The following HIGD1C variants were observed in gnomAD, a reference collection of about 807,000 sequenced individuals.
HIGD1C encodes HIG1 domain family member 1C.
Under a neutral mutation model 13.1 loss-of-function variants are expected in HIGD1C, and 11 were observed. That is an observed-to-expected ratio of 0.84 (90% CI 0.53 to 1.39). The LOEUF (loss-of-function observed/expected upper bound fraction) is 1.39, where lower values mean the gene tolerates loss of function less well. HIGD1C is among the 40% of genes most tolerant of loss of function. The pLI is 0.00. For missense variants in HIGD1C, 110 were observed against 112.0 expected (o/e 0.98, Z 0.08); for synonymous variants, 36 against 37.7 (o/e 0.95, Z 0.17).
upstream of HIGD1C, among the ~76,000 whole-genome samples, chr12:50,952,181 T>C (rs574520893): frequency 2.0e-4 from 30 of 151,792 alleles, no homozygotes; most frequent in African/African-American, 6.8e-4. Flanking sequence ...TTGAACACTG[T>C]ACTATGGTTA....
chr12:50,938,134 G>A, the HIGD1C span, among the ~76,000 whole-genome samples: 44,572 of 151,390 alleles, frequency 0.29, 7,049 homozygotes, highest in East Asian at 0.49. Context: ...CCTCCACAGC[G>A]CCCAGGCTGT....
the HIGD1C span, among the ~76,000 whole-genome samples, chr12:50,947,553 A>G: frequency 1.3e-5 from 2 of 152,286 alleles, no homozygotes; most frequent in East Asian, 3.9e-4. Context: ...CCCCACCCAG[A>G]TAGTCCAGGA....
At chr12:50,956,479 G>C (rs1939100400) in intron 1 of HIGD1C, among the ~76,000 whole-genome samples, 1 of 152,168 alleles carries the variant, frequency 6.6e-6, no homozygotes, top group Non-Finnish European at 1.5e-5. Context: ...CCTGCTACAG[G>C]ATGGAGGGTC....
At chr12:50,966,994 G>A (rs978472313) in intron 2 of HIGD1C, among the ~76,000 whole-genome samples, 5 of 152,040 alleles carry the variant, frequency 3.3e-5, no homozygotes, top group Admixed American at 6.6e-5. Context: ...GCATGTGCCT[G>A]TAATCCCTGC....
At chr12:50,970,949 G>A (rs56353532), downstream of HIGD1C, among the ~76,000 whole-genome samples, 17 of 151,878 alleles carry the variant, frequency 1.1e-4, no homozygotes, top group Admixed American at 7.2e-4. Flanking sequence ...TATAATCTCC[G>A]CTCACCGCAA....
At chr12:50,938,271 A>G in the HIGD1C span, among the ~76,000 whole-genome samples, 1 of 146,524 alleles carries the variant, frequency 6.8e-6, no homozygotes, top group Non-Finnish European at 1.5e-5. Context: ...GGCTGGCAGG[A>G]GGCTGGCGTG....
At chr12:50,933,209 TCTC>T in the HIGD1C span, among the ~76,000 whole-genome samples, 1 of 152,072 alleles carries the variant, frequency 6.6e-6, no homozygotes, top group South Asian at 2.1e-4. Flanking sequence ...AACCACAAAA[TCTC>T]CTTTGATAAT....
At chr12:50,943,328 T>C in the HIGD1C span, among the ~76,000 whole-genome samples, 1 of 152,188 alleles carries the variant, frequency 6.6e-6, no homozygotes, top group Non-Finnish European at 1.5e-5. Context: ...AGCTATGCCC[T>C]CTGCCTGGAG....
chr12:50,960,671 G>A (rs1169221776), intron 1 of HIGD1C, among the ~76,000 whole-genome samples: 4 of 150,554 alleles, frequency 2.7e-5, no homozygotes, highest in Admixed American at 6.6e-5. Flanking sequence ...TGCCTGCTGT[G>A]TATTTAACCC....
At position 50,970,497 on chromosome 12, in the gene HIGD1C, CA is replaced by C; in HGVS notation, c.291del (p.Lys97AsnfsTer?). The C allele has an allele frequency of 6.6e-6, 10 of 1,525,722 alleles. No individual in the cohort carries two copies. The highest frequency in any genetic ancestry group is 1.2e-5 in the South Asian group (1 of 83,262). 94.5% of individuals were successfully genotyped at this position (1,525,722 alleles called of 1,614,324 possible). On this transcript the variant is annotated frameshift_variant, in exon 3 of 3. Transcript: ENST00000398455. LOFTEE classifies it high-confidence loss of function. ...TTAGACCACGATTCTTCAGTGAGTC[CA>C]AAAAATGAAGCTTACATGCTGGAAG...
the HIGD1C span, among the ~76,000 whole-genome samples, chr12:50,934,585 GGAA>G: frequency 2.6e-5 from 4 of 152,214 alleles, no homozygotes; most frequent in Admixed American, 6.5e-5. Flanking sequence ...CTATAGATGA[GGAA>G]GAAGCTCAGG....
upstream of HIGD1C, among the ~76,000 whole-genome samples, chr12:50,953,331 C>G (rs1287856693): frequency 6.6e-6 from 1 of 152,220 alleles, no homozygotes; most frequent in Non-Finnish European, 1.5e-5. Flanking sequence ...TATTTGAATT[C>G]TGGGGTGAAC....
chr12:50,970,087 C>T lies in HIGD1C; in HGVS notation c.230-355C>T, dbSNP rs549089093. Reference sequence around the variant, plus strand: ...AGATCCACTCACCATTTGTTTTCCTCGGGATACTGAGTACAAGTAGAGACT... The same window carrying T: ...AGATCCACTCACCATTTGTTTTCCTTGGGATACTGAGTACAAGTAGAGACT... On this transcript the variant is annotated intron_variant, in intron 2 of 2. Coordinates refer to ENST00000398455, the Ensembl canonical transcript of HIGD1C. 3.3e-5 allele frequency among the ~76,000 whole-genome samples: 5 copies of T among 152,194 alleles called. No homozygotes were observed. The South Asian group carries it at 8.3e-4, about 25-fold the overall frequency.
At chr12:50,955,828 T>C (rs988818146) in intron 1 of HIGD1C, among the ~76,000 whole-genome samples, 1 of 152,146 alleles carries the variant, frequency 6.6e-6, no homozygotes. Flanking sequence ...TGAACAGAAA[T>C]TAATTAATAA....
chr12:50,970,633 C>T (rs1939728996), downstream of HIGD1C: 1 of 623,338 alleles, frequency 1.6e-6, no homozygotes, highest in Admixed American at 3.0e-5. Flanking sequence ...CTTTGTATTT[C>T]AAGTCTCAGT....
the HIGD1C span, among the ~76,000 whole-genome samples, chr12:50,944,027 C>T: frequency 1.3e-5 from 2 of 152,136 alleles, no homozygotes; most frequent in Non-Finnish European, 2.9e-5. Context: ...CCCCAAAAGC[C>T]AAACCTTGAC....
rs188417969 is a variant in HIGD1C, at chr12:50,969,655, C to T, written c.230-787C>T. Among the ~76,000 whole-genome samples the T allele has an allele frequency of 1.3e-3, 195 of 151,096 alleles. 1 individual carries two copies. Among genetic ancestry groups the T allele is most frequent in the African/African-American group, 4.6e-3 (188 of 41,108 alleles). Reference sequence around the variant, plus strand: ...CGGAGGTTGCAGTGAGCTGAGATCACGCCATTGTACCACTCCAGCCTGGGT... The same window carrying T: ...CGGAGGTTGCAGTGAGCTGAGATCATGCCATTGTACCACTCCAGCCTGGGT... On this transcript the variant is annotated intron_variant, in intron 2 of 2. Transcript: ENST00000398455.
chr12:50,962,676 A>G (rs67654320), intron 2 of HIGD1C, among the ~76,000 whole-genome samples: 27,844 of 152,132 alleles, frequency 0.18, 2,912 homozygotes, highest in East Asian at 0.5. Flanking sequence ...TAGCCTGGGC[A>G]TCAGAGCAAG....
In HIGD1C at chr12:50,968,716, A is replaced by G. The variant is rs112207765; in HGVS notation, c.230-1726A>G. Among the ~76,000 whole-genome samples, 1,067 of 151,752 alleles carry G rather than the reference A, an allele frequency of 7.0e-3. 20 individuals carry two copies. The highest frequency in any genetic ancestry group is 0.024 in the African/African-American group (992 of 41,352). ...GTCACCACACCTGGCTAATTTTTGT[A>G]TTTTTAGTAGAGATGGGGTTTCGCC... is the stretch of plus-strand genomic sequence containing the variant. On this transcript the variant is annotated intron_variant, in intron 2 of 2. Coordinates refer to ENST00000398455, the Ensembl canonical transcript of HIGD1C.
Sources: gnomAD v4.1 joint callset for allele counts (sites outside exome capture counted in the v4.1 genomes callset) on GRCh38, gnomAD v4.1.1 for gene constraint, MANE v1.5 for transcripts, NCBI Gene and HGNC (gene_info 2026-07-23, HGNC 2026-07-21) for gene names.